The following TMEM108 variants were observed in gnomAD, a reference collection of about 807,000 sequenced individuals.
TMEM108 encodes the protein transmembrane protein 108, also known as cancer/testis antigen 124.
TMEM108 carries 12 observed loss-of-function variants against 35.1 expected under a neutral mutation model. The observed-to-expected ratio is 0.34, with a 90% CI of 0.22 to 0.55. The LOEUF (loss-of-function observed/expected upper bound fraction) is 0.55, where lower values mean the gene tolerates loss of function less well. Ranked by LOEUF, TMEM108 falls within the 20% of genes least tolerant of loss-of-function variation. The pLI is 0.89. For missense variants in TMEM108, 680 were observed against 753.3 expected, an observed-to-expected ratio of 0.90 and a Z score of 1.14; for synonymous variants, 287 against 308.6, an observed-to-expected ratio of 0.93 and a Z score of 0.73.
intron 3 of TMEM108, among the ~76,000 whole-genome samples, chr3:133,251,454 A>G (rs145315147): frequency 3.7e-4 from 56 of 152,272 alleles, no homozygotes; most frequent in Admixed American, 2.9e-3. Flanking sequence ...GCCATCTGCT[A>G]TAACAACTCA....
At position 133,180,440 on chromosome 3, in the gene TMEM108, G is replaced by A. The variant is rs569842467; in HGVS notation, c.-46-48826G>A. ...AGTAACAATGTTTTTACAAATCAAT[G>A]TAATAATAAAGGGTTTTATTTTCCT... On this transcript the variant is annotated intron_variant, in intron 2 of 5. Coordinates refer to ENST00000321871, the MANE Select transcript of TMEM108 (RefSeq NM_023943.4). 4.6e-5 allele frequency among the ~76,000 whole-genome samples: 7 copies of A among 152,094 alleles called. No individual in the cohort carries two copies. In the East Asian group the frequency reaches 7.7e-4, roughly 17 times the overall value.
intron 2 of TMEM108, among the ~76,000 whole-genome samples, chr3:133,067,234 T>C (rs113594988): frequency 0.034 from 5,157 of 152,278 alleles, 167 homozygotes; most frequent in Admixed American, 0.073. Flanking sequence ...CCAAAGAGAT[T>C]TCTGCTCCCA....
rs538744265 is a variant in TMEM108 at position 133,273,453 on chromosome 3, G to A, written c.40+44102G>A. On this transcript the variant is annotated intron_variant, in intron 3 of 5. Transcript: ENST00000321871. ...TATTGATAGTCAAACTAAACACCAC[G>A]TCTACCTCCCACACCTTCCTTCCCT... 4.6e-5 allele frequency among the ~76,000 whole-genome samples: 7 copies of A among 152,150 alleles called. 1 individual carries two copies. Among genetic ancestry groups the A allele is most frequent in the African/African-American group, 9.6e-5 (4 of 41,508 alleles).
intron 2 of TMEM108, among the ~76,000 whole-genome samples, chr3:133,138,680 A>G (rs778445959): frequency 6.6e-6 from 1 of 151,964 alleles, no homozygotes; most frequent in East Asian, 1.9e-4. Flanking sequence ...TACCTGACCA[A>G]TTTTTGTTTG....
rs556487923 is a variant in TMEM108, at chr3:133,120,417, C to T, written c.-47+74397C>T. Among the ~76,000 whole-genome samples, 7 of 152,296 alleles carry T rather than the reference C, an allele frequency of 4.6e-5. No homozygotes were observed. In the South Asian group the frequency reaches 1.5e-3, roughly 32 times the overall value. ...GTACATTTCACATTTAGCGTTCAAG[C>T]CCCTTAACCTTTAAAAGTGAGATTG... On this transcript the variant is annotated intron_variant, in intron 2 of 5. Transcript: ENST00000321871.
At chr3:133,189,693 T>G (rs905811217) in intron 2 of TMEM108, among the ~76,000 whole-genome samples, 3 of 152,210 alleles carry the variant, frequency 2.0e-5, no homozygotes, top group Non-Finnish European at 4.4e-5. Context: ...GCCCCTTGAC[T>G]GTATTCCAAA....
chr3:133,109,851 G>T (rs1281592929), intron 2 of TMEM108, among the ~76,000 whole-genome samples: 1 of 152,158 alleles, frequency 6.6e-6, no homozygotes, highest in African/African-American at 2.4e-5. Context: ...TATGCAGGGG[G>T]TGCAGCCTCC....
intron 2 of TMEM108, among the ~76,000 whole-genome samples, chr3:133,115,196 T>C (rs1489127874): frequency 1.3e-5 from 2 of 152,266 alleles, no homozygotes; most frequent in Non-Finnish European, 2.9e-5. Flanking sequence ...AGTGTTCATA[T>C]GCTGTTGTAT....
chr3:133,275,273 A>G (rs1359986400), intron 3 of TMEM108, among the ~76,000 whole-genome samples: 2 of 152,190 alleles, frequency 1.3e-5, no homozygotes, highest in Admixed American at 6.5e-5. Flanking sequence ...TAGGAATCAC[A>G]TATGTAATTC....
chr3:133,265,380 T>C (rs72976191), intron 3 of TMEM108, among the ~76,000 whole-genome samples: 2,790 of 152,300 alleles, frequency 0.018, 97 homozygotes, highest in African/African-American at 0.063. Context: ...ACACATACTT[T>C]GGGTTGAATG....
intron 3 of TMEM108, among the ~76,000 whole-genome samples, chr3:133,302,174 G>A (rs1184278126): frequency 6.6e-6 from 1 of 152,164 alleles, no homozygotes; most frequent in Non-Finnish European, 1.5e-5. Flanking sequence ...TTTGTTGTCT[G>A]AAGCTTGGAA....
At position 133,038,409 on chromosome 3, in the gene TMEM108, G is replaced by A. The variant is rs902105512; in HGVS notation, c.-192G>A. The A allele has an allele frequency of 6.6e-6, 1 of 152,290 alleles. No individual in the cohort carries two copies. The highest frequency in any genetic ancestry group is 6.5e-5 in the Admixed American group (1 of 15,288). 9.4% of individuals were successfully genotyped at this position (152,290 alleles called of 1,614,324 possible). A position where few individuals can be genotyped will look rare whatever the true frequency, so the allele number is the denominator to read the frequency against. On this transcript the variant is annotated 5_prime_UTR_variant, in exon 1 of 6. Transcript: ENST00000321871. The stretch of plus-strand genomic sequence containing the variant: ...CGGTGGGGCTTTCTCCTGAGCCGTC[G>A]GAGGGAGCCGGAGCGCTTCTCCCGA...
At chr3:133,318,380 AT>A (rs1257522921) in intron 3 of TMEM108, among the ~76,000 whole-genome samples, 1 of 152,056 alleles carries the variant, frequency 6.6e-6, no homozygotes, top group Non-Finnish European at 1.5e-5. Flanking sequence ...TCTTTTTAAC[AT>A]TTTTTCCTTA....
chr3:133,104,462 T>C (rs1432367350), intron 2 of TMEM108, among the ~76,000 whole-genome samples: 2 of 152,202 alleles, frequency 1.3e-5, no homozygotes, highest in Non-Finnish European at 2.9e-5. Flanking sequence ...TCAGGCTTTT[T>C]TTCTTAATCT....
chr3:133,393,179 C>T (rs1559950703), intron 5 of TMEM108, among the ~76,000 whole-genome samples: 2 of 152,244 alleles, frequency 1.3e-5, no homozygotes, highest in East Asian at 3.8e-4. Flanking sequence ...CTCCTGGATA[C>T]CTTGAACCCT....
chr3:133,275,003 T>A (rs1946819751), intron 3 of TMEM108, among the ~76,000 whole-genome samples: 1 of 152,158 alleles, frequency 6.6e-6, no homozygotes, highest in Non-Finnish European at 1.5e-5. Context: ...CCTATTTCCA[T>A]CAGCAAAAAC....
At chr3:133,283,284 G>T (rs972455754) in intron 3 of TMEM108, among the ~76,000 whole-genome samples, 1 of 152,152 alleles carries the variant, frequency 6.6e-6, no homozygotes, top group Non-Finnish European at 1.5e-5. Context: ...CCTATGCATG[G>T]AGGTGTGGTA....
intron 2 of TMEM108, among the ~76,000 whole-genome samples, chr3:133,164,955 G>A (rs1351566024): frequency 6.6e-6 from 1 of 151,864 alleles, no homozygotes; most frequent in Non-Finnish European, 1.5e-5. Flanking sequence ...TTATCTAGTG[G>A]GAAAATATTT....
intron 2 of TMEM108, among the ~76,000 whole-genome samples, chr3:133,073,510 C>CTCTATATATATA: frequency 5.7e-4 from 25 of 43,900 alleles, no homozygotes; most frequent in South Asian, 1.7e-3. Context: ...CTCTCTCTCT[C>CTCTATATATATA]TATATATATA....
Sources: gnomAD v4.1 joint callset for allele counts (sites outside exome capture counted in the v4.1 genomes callset) on GRCh38, gnomAD v4.1.1 for gene constraint, MANE v1.5 for transcripts, NCBI Gene and HGNC (gene_info 2026-07-23, HGNC 2026-07-21) for gene names.